The following NEK7 variants were observed in gnomAD, a reference collection of about 807,000 sequenced individuals.
NEK7 encodes the protein NIMA related kinase 7, also known as serine/threonine-protein kinase Nek7.
A neutral mutation model predicts 44.6 loss-of-function variants in NEK7; 18 were observed. That is an observed-to-expected ratio of 0.40 (90% CI 0.28 to 0.60). The LOEUF (loss-of-function observed/expected upper bound fraction) is 0.60. Ranked by LOEUF, NEK7 falls within the 20% of genes least tolerant of loss-of-function variation. The pLI is 0.38. For missense variants in NEK7, 256 were observed against 366.5 expected, an observed-to-expected ratio of 0.70 and a Z score of 2.46; for synonymous variants, 130 against 121.1, an observed-to-expected ratio of 1.07 and a Z score of -0.48.
At chr1:198,252,725 A>G (rs1159981598) in intron 2 of NEK7, among the ~76,000 whole-genome samples, 1 of 150,654 alleles carries the variant, frequency 6.6e-6, no homozygotes, top group Admixed American at 6.6e-5. Flanking sequence ...TATTTATTAA[A>G]ACATGTATGT....
chr1:198,286,319 T>C (rs1654365867), intron 7 of NEK7, among the ~76,000 whole-genome samples: 2 of 152,130 alleles, frequency 1.3e-5, no homozygotes. Context: ...TTATTAACCA[T>C]ATTATTCTTC....
At chr1:198,221,547 T>C (rs1424619669) in intron 1 of NEK7, among the ~76,000 whole-genome samples, 1 of 151,750 alleles carries the variant, frequency 6.6e-6, no homozygotes, top group Non-Finnish European at 1.5e-5. Context: ...AAAAAAACTT[T>C]TATATTACAC....
rs1277005336 is a variant in NEK7, at chr1:198,169,048, T to G, written c.-29+11772T>G. Among the ~76,000 whole-genome samples, 5 of 152,352 alleles carry G rather than the reference T, an allele frequency of 3.3e-5. 1 individual carries two copies. The highest frequency in any genetic ancestry group is 1.2e-4 in the African/African-American group (5 of 41,580). On this transcript the variant is annotated intron_variant, in intron 1 of 9. Transcript: ENST00000367385. Reference sequence around the variant, plus strand: ...AAAATTAGTATATAGGTTGCATAGTTGATTCATGTGCATAATTTATAGTTT... The same window carrying G: ...AAAATTAGTATATAGGTTGCATAGTGGATTCATGTGCATAATTTATAGTTT...
chr1:198,257,620 T>C (rs1011980679), intron 3 of NEK7, among the ~76,000 whole-genome samples: 4 of 152,206 alleles, frequency 2.6e-5, no homozygotes, highest in African/African-American at 9.6e-5. Context: ...CCAATTGTTA[T>C]TTGAATAAAT....
intron 2 of NEK7, among the ~76,000 whole-genome samples, chr1:198,238,427 G>A (rs1360747057): frequency 1.3e-5 from 2 of 152,064 alleles, no homozygotes; most frequent in African/African-American, 4.8e-5. Context: ...CCTTATTGCA[G>A]TCATCTTCTG....
At chr1:198,230,826 T>A (rs955445273) in intron 1 of NEK7, among the ~76,000 whole-genome samples, 11 of 151,818 alleles carry the variant, frequency 7.2e-5, no homozygotes, top group Non-Finnish European at 1.5e-4. Flanking sequence ...TACAGTAGTA[T>A]CAAAAAATAT....
intron 4 of NEK7, among the ~76,000 whole-genome samples, chr1:198,263,583 A>G (rs563614000): frequency 1.3e-5 from 2 of 151,938 alleles, no homozygotes; most frequent in Non-Finnish European, 2.9e-5. Context: ...AATTTTTCTT[A>G]GGGATGATTT....
At chr1:198,200,095 A>C (rs966944773) in intron 1 of NEK7, among the ~76,000 whole-genome samples, 2 of 152,158 alleles carry the variant, frequency 1.3e-5, no homozygotes, top group African/African-American at 2.4e-5. Context: ...AACACTCTAG[A>C]GATTTCAATG....
intron 1 of NEK7, among the ~76,000 whole-genome samples, chr1:198,218,551 A>G (rs978813159): frequency 6.6e-6 from 1 of 151,994 alleles, no homozygotes; most frequent in African/African-American, 2.4e-5. Context: ...CAAATGCAAC[A>G]AAACCAAAAA....
At chr1:198,178,050 C>T (rs1329756662) in intron 1 of NEK7, among the ~76,000 whole-genome samples, 1 of 151,950 alleles carries the variant, frequency 6.6e-6, no homozygotes, top group East Asian at 1.9e-4. Context: ...AAAGAGAGAT[C>T]CTCAACTATG....
Position 198,321,773 on chromosome 1 carries a change from G to A in NEK7, c.*2251G>A, listed in dbSNP as rs1655540592. ...TGGAATAATTTCAAAGAACTATGAA[G>A]ATGATTTGAAGCTCTAATTTATATA... On this transcript the variant is annotated 3_prime_UTR_variant, in exon 10 of 10. Coordinates refer to ENST00000367385, the MANE Select transcript of NEK7 (RefSeq NM_133494.3). The A allele has an allele frequency of 6.6e-6, 1 of 152,044 alleles. No individual in the cohort carries two copies. Among genetic ancestry groups the A allele is most frequent in the South Asian group, 2.1e-4 (1 of 4,828 alleles). 9.4% of individuals were successfully genotyped at this position (152,044 alleles called of 1,614,324 possible). A position where few individuals can be genotyped will look rare whatever the true frequency, so the allele number is the denominator to read the frequency against.
chr1:198,160,864 A>G (rs1664083409), intron 1 of NEK7, among the ~76,000 whole-genome samples: 1 of 152,186 alleles, frequency 6.6e-6, no homozygotes, highest in Non-Finnish European at 1.5e-5. Flanking sequence ...TAATAGTTTG[A>G]TTATTCCTAG....
At chr1:198,279,099 G>A (rs1370229663) in intron 7 of NEK7, 38 bp downstream of exon 7, 2 of 1,219,344 alleles carry the variant, frequency 1.6e-6, no homozygotes, top group South Asian at 1.2e-5. Context: ...GTTACTTTGT[G>A]TATGTGTGAT....
chr1:198,299,699 G>A (rs1005341808), intron 9 of NEK7, among the ~76,000 whole-genome samples: 1 of 152,086 alleles, frequency 6.6e-6, no homozygotes, highest in African/African-American at 2.4e-5. Flanking sequence ...AAATTTTTAA[G>A]GTTACTGCCC....
intron 9 of NEK7, 138 bp downstream of exon 9, chr1:198,297,378 A>G: frequency 1.2e-5 from 13 of 1,060,196 alleles, no homozygotes; most frequent in Non-Finnish European, 1.8e-5. Flanking sequence ...TTCTGTTTTC[A>G]TTCTCTTGGA....
At chr1:198,251,456 A>T (rs1185822196) in intron 2 of NEK7, among the ~76,000 whole-genome samples, 11 of 141,768 alleles carry the variant, frequency 7.8e-5, no homozygotes, top group Admixed American at 1.4e-4. Flanking sequence ...GAATGGTACC[A>T]GTTCCTCCTT....
In NEK7 at chr1:198,320,183, T is replaced by A. The variant is rs1024751422; in HGVS notation, c.*661T>A. On this transcript the variant is annotated 3_prime_UTR_variant, in exon 10 of 10. Transcript: ENST00000367385. ...TTTTGTTTTGTTTTAATATTTTTGA[T>A]ATTCTCTTTGCATTGAAATGGTATA... 1.3e-5 allele frequency: 2 copies of A among 152,198 alleles called. No individual in the cohort carries two copies. Among genetic ancestry groups the A allele is most frequent in the Non-Finnish European group, 2.9e-5 (2 of 68,016 alleles). The allele number at this position is 152,198 out of a possible 1,614,324, so 9.4% of individuals were successfully genotyped here.
At chr1:198,171,878 C>T (rs528592933) in intron 1 of NEK7, among the ~76,000 whole-genome samples, 83 of 152,266 alleles carry the variant, frequency 5.5e-4, no homozygotes, top group Non-Finnish European at 8.2e-4. Flanking sequence ...TCTACAAGGC[C>T]TGCCTGACCC....
chr1:198,264,154 T>C lies in NEK7; in HGVS notation c.291T>C (p.Tyr97=), dbSNP rs1413103375. The part of the protein sequence containing the change: ...KQLNHPNVIK[Y]YASFIEDNEL... ...TCAACCATCCAAATGTAATAAAATA[T>C]TATGCATCATTCATTGAAGATAATG... The change falls in exon 5 of 10, where the codon TAT becomes TAC. Residue 97 remains tyrosine, a synonymous_variant. Transcript: ENST00000367385. 2 of 1,601,180 alleles carry C rather than the reference T, an allele frequency of 1.2e-6. No individual in the cohort carries two copies. Among genetic ancestry groups the C allele is most frequent in the Non-Finnish European group, 1.7e-6 (2 of 1,174,784 alleles).
Sources: gnomAD v4.1 joint callset for allele counts (sites outside exome capture counted in the v4.1 genomes callset) on GRCh38, gnomAD v4.1.1 for gene constraint, MANE v1.5 for transcripts, NCBI Gene and HGNC (gene_info 2026-07-23, HGNC 2026-07-21) for gene names.